Variants in MECOM observed in about 807,000 individuals in gnomAD.
The protein encoded by MECOM is histone-lysine N-methyltransferase MECOM.
In MECOM, 13 loss-of-function variants were observed where a neutral mutation model predicts 116.3. That is an observed-to-expected ratio of 0.11 (90% CI 0.07 to 0.18). MECOM has a LOEUF of 0.18. Ranked by LOEUF, MECOM falls within the 10% of genes least tolerant of loss-of-function variation. The pLI, the probability that MECOM is intolerant of heterozygous loss-of-function variation, is 1.00. For missense variants in MECOM, 1,299 were observed against 1,509.0 expected (o/e 0.86, Z 2.31); for synonymous variants, 528 against 535.2 (o/e 0.99, Z 0.19).
intron 1 of MECOM, among the ~76,000 whole-genome samples, chr3:169,515,193 T>C (rs1404846937): frequency 1.3e-5 from 2 of 151,884 alleles, no homozygotes; most frequent in African/African-American, 4.8e-5. Context: ...AGAGAGCACA[T>C]GAGGGGAAAA....
At chr3:169,660,049 G>A (rs1776077705) in intron 1 of MECOM, among the ~76,000 whole-genome samples, 2 of 152,152 alleles carry the variant, frequency 1.3e-5, no homozygotes, top group South Asian at 4.1e-4. Context: ...TCACTTTGGG[G>A]AAGTAAGGTA....
At chr3:169,304,799 TTCC>T (rs767783127) in intron 2 of MECOM, among the ~76,000 whole-genome samples, 1 of 152,140 alleles carries the variant, frequency 6.6e-6, no homozygotes, top group Non-Finnish European at 1.5e-5. Context: ...TCTTTTTAAC[TTCC>T]TCTGTTTTGT....
intron 2 of MECOM, among the ~76,000 whole-genome samples, chr3:169,166,046 TG>T (rs1743547116): frequency 6.6e-6 from 1 of 152,126 alleles, no homozygotes; most frequent in Non-Finnish European, 1.5e-5. Context: ...CCTCCCTAAC[TG>T]TAGGGAGAAA....
At position 169,087,333 on chromosome 3, in the gene MECOM, C is replaced by T. The variant is rs1264065367; in HGVS notation, c.3585+1667G>A. Reference sequence around the variant, plus strand: ...CCATGGCCAGGTGCAATGGGTCACACCTATACAAATCCCAGTAATTTGGGA... The same window carrying T: ...CCATGGCCAGGTGCAATGGGTCACATCTATACAAATCCCAGTAATTTGGGA... On this transcript the variant is annotated intron_variant, in intron 16 of 16. Coordinates refer to ENST00000651503, the MANE Select transcript of MECOM (RefSeq NM_004991.4). 2.0e-5 allele frequency among the ~76,000 whole-genome samples: 3 copies of T among 151,950 alleles called. No homozygotes were observed. The East Asian group carries it at 5.8e-4, about 29-fold the overall frequency.
chr3:169,618,265 C>T lies in MECOM; in HGVS notation c.37+45071G>A, dbSNP rs115987090. Among the ~76,000 whole-genome samples the T allele has an allele frequency of 6.6e-3, 1,000 of 152,316 alleles. 9 individuals carry two copies. The highest frequency in any genetic ancestry group is 0.022 in the African/African-American group (934 of 41,566). On this transcript the variant is annotated intron_variant, in intron 1 of 16. Coordinates refer to ENST00000651503, the MANE Select transcript of MECOM (RefSeq NM_004991.4). Reference sequence around the variant, plus strand: ...AGTTTGAACCACACACACTTCCTTTCGTTTACTCCCACTAGCCCTTCATAT... The same window carrying T: ...AGTTTGAACCACACACACTTCCTTTTGTTTACTCCCACTAGCCCTTCATAT...
intron 2 of MECOM, among the ~76,000 whole-genome samples, chr3:169,334,539 C>A (rs1723284357): frequency 6.6e-6 from 1 of 152,064 alleles, no homozygotes; most frequent in African/African-American, 2.4e-5. Context: ...CCTGCAAGAA[C>A]CACAGAAGAC....
intron 2 of MECOM, chr3:169,145,214 T>G: frequency 1.8e-6 from 1 of 556,410 alleles, no homozygotes; most frequent in Non-Finnish European, 3.1e-6. Context: ...CTCTTCTTTT[T>G]CAAGGATGCC....
chr3:169,649,929 T>C (rs182995138), intron 1 of MECOM, among the ~76,000 whole-genome samples: 1 of 152,370 alleles, frequency 6.6e-6, no homozygotes, highest in Non-Finnish European at 1.5e-5. Flanking sequence ...AGCAAAATAG[T>C]TCTTGCCAGT....
At chr3:169,426,456 G>C (rs1416161447) in intron 1 of MECOM, among the ~76,000 whole-genome samples, 2 of 152,178 alleles carry the variant, frequency 1.3e-5, no homozygotes, top group Non-Finnish European at 2.9e-5. Flanking sequence ...CATGTCACCA[G>C]GAGATTGGCA....
chr3:169,293,257 C>T (rs1191078817), intron 2 of MECOM, among the ~76,000 whole-genome samples: 2 of 152,186 alleles, frequency 1.3e-5, no homozygotes, highest in African/African-American at 4.8e-5. Context: ...GTTTCACGCT[C>T]ACCCCACCGT....
intron 1 of MECOM, among the ~76,000 whole-genome samples, chr3:169,662,177 G>T (rs1352669304): frequency 2.0e-5 from 3 of 152,206 alleles, no homozygotes; most frequent in Non-Finnish European, 4.4e-5. Flanking sequence ...GACTCCCACC[G>T]CCCCCTCCCC....
chr3:169,449,254 A>G lies in MECOM; in HGVS notation c.38-67730T>C, dbSNP rs1745156216. On this transcript the variant is annotated intron_variant, in intron 1 of 16. Transcript: ENST00000651503. ...TAAATTTCTCAAAAACATCCCAGCC[A>G]TAACATAGTTCTTGCTGATTGCTCA... Among the ~76,000 whole-genome samples, 3 of 152,188 alleles carry G rather than the reference A, an allele frequency of 2.0e-5. 1 individual carries two copies. Among genetic ancestry groups the G allele is most frequent in the Admixed American group, 2.0e-4 (3 of 15,276 alleles).
intron 2 of MECOM, among the ~76,000 whole-genome samples, chr3:169,323,152 C>CA (rs1400442741): frequency 1.3e-5 from 2 of 152,010 alleles, no homozygotes; most frequent in African/African-American, 4.8e-5. Context: ...TCATCATATG[C>CA]ACTCACACAT....
chr3:169,149,881 C>T (rs550408012), intron 2 of MECOM: 2 of 318,832 alleles, frequency 6.3e-6, no homozygotes, highest in South Asian at 5.4e-5. Flanking sequence ...ATCAGAAGGA[C>T]CTGGGCAAAG....
intron 1 of MECOM, among the ~76,000 whole-genome samples, chr3:169,555,358 T>C: frequency 6.6e-6 from 1 of 150,896 alleles, no homozygotes; most frequent in East Asian, 1.9e-4. Context: ...AAAAATGTGA[T>C]AATTGTTATA....
rs796441013 is a variant in MECOM, at chr3:169,217,068, CA to C, written c.376-73237del. 8.3e-4 allele frequency among the ~76,000 whole-genome samples: 127 copies of C among 152,234 alleles called. 1 individual carries two copies. The highest frequency in any genetic ancestry group is 3.0e-3 in the African/African-American group (125 of 41,538). ...GTGGGTTCATTTTGACTTCCTTGCA[CA>C]AGTAGGTAACAGGAGGGTGGATGAT... On this transcript the variant is annotated intron_variant, in intron 2 of 16. Coordinates refer to ENST00000651503, the MANE Select transcript of MECOM (RefSeq NM_004991.4).
At chr3:169,371,682 C>A (rs1448904283) in intron 2 of MECOM, among the ~76,000 whole-genome samples, 3 of 151,620 alleles carry the variant, frequency 2.0e-5, no homozygotes. Context: ...TCAATAAAGC[C>A]AAAAAATAAA....
At chr3:169,343,421 T>C (rs1049418392) in intron 2 of MECOM, among the ~76,000 whole-genome samples, 3 of 152,122 alleles carry the variant, frequency 2.0e-5, no homozygotes, top group Admixed American at 6.6e-5. Context: ...TCCAGCATCT[T>C]AGGGTCCAAG....
chr3:169,489,511 T>TA (rs550365445), intron 1 of MECOM, among the ~76,000 whole-genome samples: 1 of 152,098 alleles, frequency 6.6e-6, no homozygotes, highest in Admixed American at 6.6e-5. Context: ...GTGACAATTT[T>TA]AAAAAAGTGT....
Sources: allele counts gnomAD v4.1 joint callset (sites outside exome capture counted in the v4.1 genomes callset), GRCh38; gene constraint gnomAD v4.1.1; transcripts MANE v1.5; gene names NCBI Gene and HGNC (gene_info 2026-07-23, HGNC 2026-07-21).